MAP4: variants seen among roughly 807,000 people sequenced by gnomAD.
The protein encoded by MAP4 is microtubule-associated protein 4.
Under a neutral mutation model 170.2 loss-of-function variants are expected in MAP4, and 76 were observed. That is an observed-to-expected ratio of 0.45 (90% CI 0.37 to 0.54). The LOEUF (loss-of-function observed/expected upper bound fraction) is 0.54, where lower values mean the gene tolerates loss of function less well. MAP4 is among the 20% of genes least tolerant of loss of function. MAP4 has a pLI of 0.00. For missense variants in MAP4, 2,506 were observed against 2,748.0 expected (o/e 0.91, Z 1.97); for synonymous variants, 909 against 994.5 (o/e 0.91, Z 1.62).
chr3:47,956,722 G>C (rs1473167241), intron 3 of MAP4, among the ~76,000 whole-genome samples: 1 of 152,170 alleles, frequency 6.6e-6, no homozygotes, highest in Non-Finnish European at 1.5e-5. Context: ...CTCTTAATAA[G>C]CAAGTTGACA....
intron 3 of MAP4, among the ~76,000 whole-genome samples, chr3:47,937,099 C>T (rs2100053425): frequency 6.6e-6 from 1 of 151,662 alleles, no homozygotes; most frequent in Admixed American, 6.6e-5. Flanking sequence ...ACTACTCATC[C>T]AGAATTAAAA....
chr3:48,053,635 A>G (rs1367381666), intron 1 of MAP4, among the ~76,000 whole-genome samples: 1 of 152,316 alleles, frequency 6.6e-6, no homozygotes, highest in Middle Eastern at 3.4e-3. Context: ...TCTCTAGTAT[A>G]TAAGTGATGT....
chr3:47,855,015 G>A lies in MAP4; in HGVS notation c.6696+233C>T. 1.9e-6 allele frequency: 1 copy of A among 520,136 alleles called. No homozygotes were observed. Among genetic ancestry groups the A allele is most frequent in the Non-Finnish European group, 3.5e-6 (1 of 287,788 alleles). The allele number at this position is 520,136 out of a possible 1,614,324, so 32.2% of individuals were successfully genotyped here. A position where few individuals can be genotyped will look rare whatever the true frequency, so the allele number is the denominator to read the frequency against. On this transcript the variant is annotated intron_variant, in intron 19 of 20. Coordinates refer to ENST00000683076, the MANE Select transcript of MAP4 (RefSeq NM_001385682.1). This position sits in a 1 kb window ranked among gnomAD's most constrained non-coding sequence, Gnocchi z 5.1. ...ATTAGGAAGGCCATGGCTCTCAGGA[G>A]CAAGGTTCTGCCTCCAGCTGACAGG... is the stretch of plus-strand genomic sequence containing the variant.
chr3:47,892,568 G>A, intron 10 of MAP4: 2 of 1,444,228 alleles, frequency 1.4e-6, no homozygotes, highest in South Asian at 1.5e-5. Flanking sequence ...AGCTTGCAGT[G>A]ACATCACACC....
chr3:47,917,037 TG>T lies in MAP4; in HGVS notation c.789del (p.Asp263GlufsTer4). ...SKETEMALAK[D>X]MALATKTEVA... ...ACCTCGGTTTTTGTAGCTAGTGCCA[TG>T]TCCTTGGCGAGGGCCATCTCTGTTT... On this transcript the variant is annotated frameshift_variant, in exon 7 of 21. Coordinates refer to ENST00000683076, the MANE Select transcript of MAP4 (RefSeq NM_001385682.1). LOFTEE classifies it high-confidence loss of function. The T allele has an allele frequency of 8.7e-6, 14 of 1,614,248 alleles. No homozygotes were observed. The highest frequency in any genetic ancestry group is 1.1e-5 in the Non-Finnish European group (13 of 1,180,048).
chr3:47,963,902 G>A (rs1455686253), intron 3 of MAP4, among the ~76,000 whole-genome samples: 4 of 152,178 alleles, frequency 2.6e-5, no homozygotes, highest in Admixed American at 6.6e-5. Flanking sequence ...AAAGATAGTC[G>A]AGAAGTACTC....
chr3:47,899,497 T>C (rs1307703625), intron 10 of MAP4, among the ~76,000 whole-genome samples: 2 of 152,182 alleles, frequency 1.3e-5, no homozygotes, highest in East Asian at 3.9e-4. Flanking sequence ...TTTGAACCCC[T>C]CCTGAGTTCT....
intron 2 of MAP4, among the ~76,000 whole-genome samples, chr3:47,979,021 T>C (rs563737386): frequency 6.6e-6 from 1 of 152,312 alleles, no homozygotes; most frequent in East Asian, 1.9e-4. Flanking sequence ...TTTACTTAAC[T>C]GTGCCTTTCA....
chr3:48,075,989 A>C (rs1404996049), intron 1 of MAP4, among the ~76,000 whole-genome samples: 2 of 151,604 alleles, frequency 1.3e-5, no homozygotes, highest in East Asian at 1.9e-4. Context: ...AAAAAAAAAA[A>C]AAAGAAACAA....
At chr3:47,882,233 T>G (rs569792553) in intron 10 of MAP4, among the ~76,000 whole-genome samples, 57 of 152,184 alleles carry the variant, frequency 3.7e-4, no homozygotes, top group African/African-American at 1.3e-3. Flanking sequence ...GATCTGAGAT[T>G]GTACCACTGC....
chr3:47,936,505 T>A (rs1427084614), intron 3 of MAP4, among the ~76,000 whole-genome samples: 2 of 151,218 alleles, frequency 1.3e-5, no homozygotes, highest in African/African-American at 2.4e-5. Flanking sequence ...AAAACCCTTA[T>A]ATGTTAAAAA....
intron 1 of MAP4, among the ~76,000 whole-genome samples, chr3:48,064,446 C>G (rs1450175941): frequency 3.6e-4 from 55 of 152,088 alleles, no homozygotes; most frequent in Admixed American, 3.6e-3. Flanking sequence ...GGTCCCCTAC[C>G]CACAAAATTA....
At chr3:47,917,597 A>AG (rs1032943309) in intron 6 of MAP4, among the ~76,000 whole-genome samples, 5 of 151,928 alleles carry the variant, frequency 3.3e-5, no homozygotes, top group African/African-American at 4.8e-5. Flanking sequence ...AAAAAAAAAA[A>AG]AAAAAAAGAA....
chr3:48,068,791 G>T (rs183024395), intron 1 of MAP4, among the ~76,000 whole-genome samples: 1 of 152,148 alleles, frequency 6.6e-6, no homozygotes. Flanking sequence ...AAGAAGCTGG[G>T]ACTATGGGTA....
At position 47,916,676 on chromosome 3, in the gene MAP4, G is replaced by A; in HGVS notation, c.1151C>T (p.Ser384Phe). The change falls in exon 7 of 21, where the codon TCT (serine) becomes TTT (phenylalanine). Residue 384 changes from serine (S) to phenylalanine (F), a missense_variant. By Grantham distance (155) the Ser-to-Phe change is radical. This residue lies in a region of MAP4 where 2,008 missense variants were observed against 2,206.0 expected (regional missense o/e 0.91). Coordinates refer to ENST00000683076, the MANE Select transcript of MAP4 (RefSeq NM_001385682.1). ...AGGAGCCAAGTCCATTTTTATAGGA[G>A]ATGCCCTCTCTGTTTCTTTCTTGTT... Reference protein sequence around the residue: ...KENKKETERASPIKMDLAPSK... With the variant: ...KENKKETERAFPIKMDLAPSK... 6.2e-7 allele frequency: 1 copy of A among 1,614,132 alleles called. No homozygotes were observed. The highest frequency in any genetic ancestry group is 8.5e-7 in the Non-Finnish European group (1 of 1,180,004).
intron 3 of MAP4, among the ~76,000 whole-genome samples, chr3:47,963,100 T>G (rs917019619): frequency 2.6e-5 from 4 of 152,246 alleles, no homozygotes; most frequent in South Asian, 4.1e-4. Flanking sequence ...AGCTCACTTT[T>G]GAAGTTTCAC....
intron 1 of MAP4, among the ~76,000 whole-genome samples, chr3:48,037,365 A>T (rs1357677206): frequency 6.6e-6 from 1 of 152,170 alleles, no homozygotes; most frequent in Non-Finnish European, 1.5e-5. Context: ...ACGCTTAATA[A>T]TTAAAATGCT....
chr3:47,990,925 T>C (rs2100091773), intron 2 of MAP4, among the ~76,000 whole-genome samples: 1 of 152,218 alleles, frequency 6.6e-6, no homozygotes. Flanking sequence ...CCCAAGGTGA[T>C]AGGCATTTTA....
intron 3 of MAP4, among the ~76,000 whole-genome samples, chr3:47,947,513 T>C (rs906915402): frequency 1.3e-5 from 2 of 152,098 alleles, no homozygotes; most frequent in African/African-American, 4.8e-5. Flanking sequence ...AGAACTCTCC[T>C]AGAAGAGAGA....
Sources: gnomAD v4.1 joint callset for allele counts (sites outside exome capture counted in the v4.1 genomes callset) on GRCh38, gnomAD v4.1.1 for gene constraint, gnomAD v4.1.1 regional missense constraint, Gnocchi (gnomAD v3.1) non-coding constraint, MANE v1.5 for transcripts, NCBI Gene and HGNC (gene_info 2026-07-23, HGNC 2026-07-21) for gene names.